The following GABRB1 variants were observed in gnomAD, a reference collection of about 807,000 sequenced individuals.
GABRB1 encodes gamma-aminobutyric acid type A receptor subunit beta1, also known as gamma-aminobutyric acid receptor subunit beta-1.
In GABRB1, 17 loss-of-function variants were observed where a neutral mutation model predicts 51.6. The observed-to-expected ratio is 0.33, with a 90% CI of 0.23 to 0.49. The LOEUF (loss-of-function observed/expected upper bound fraction) is 0.49. Among genes scored for constraint, GABRB1 ranks in the 20% least tolerant of loss-of-function variants. The probability of loss-of-function intolerance (pLI) is 0.99; values close to 1 mark genes in which losing one functional copy is unlikely to be tolerated. For missense variants in GABRB1, 410 were observed against 600.6 expected (o/e 0.68, Z 3.32); for synonymous variants, 247 against 218.9 (o/e 1.13, Z -1.14).
chr4:47,115,628 A>C (rs1436302408), intron 3 of GABRB1, among the ~76,000 whole-genome samples: 1 of 152,108 alleles, frequency 6.6e-6, no homozygotes, highest in African/African-American at 2.4e-5. Flanking sequence ...TAAAGAGTCA[A>C]CTGAAAGCTC....
intron 5 of GABRB1, among the ~76,000 whole-genome samples, chr4:47,358,652 A>G (rs1434720974): frequency 6.6e-6 from 1 of 152,084 alleles, no homozygotes; most frequent in Non-Finnish European, 1.5e-5. Flanking sequence ...ACACTAAGTG[A>G]CCTCATTTTA....
chr4:47,160,915 T>A (rs1383828519), intron 3 of GABRB1, among the ~76,000 whole-genome samples: 1 of 151,990 alleles, frequency 6.6e-6, no homozygotes, highest in Non-Finnish European at 1.5e-5. Context: ...GCCTCCCAAG[T>A]AGCTGGTATT....
At chr4:47,020,400 C>G (rs1724896796) in intron 1 of GABRB1, among the ~76,000 whole-genome samples, 1 of 152,118 alleles carries the variant, frequency 6.6e-6, no homozygotes, top group Non-Finnish European at 1.5e-5. Context: ...CAACCAAGGC[C>G]TCTTCCTTGA....
chr4:47,400,215 AGT>A (rs1206989908), intron 5 of GABRB1, among the ~76,000 whole-genome samples: 2 of 152,176 alleles, frequency 1.3e-5, no homozygotes, highest in Admixed American at 6.5e-5. Context: ...AAAACCATTG[AGT>A]TTTAGAATAA....
At chr4:47,198,606 T>G (rs1056167176) in intron 4 of GABRB1, among the ~76,000 whole-genome samples, 13 of 152,162 alleles carry the variant, frequency 8.5e-5, no homozygotes, top group Non-Finnish European at 1.5e-4. Flanking sequence ...ATGAGGATCA[T>G]GAAAGGCAAT....
At chr4:47,238,134 C>A (rs1217195389) in intron 4 of GABRB1, among the ~76,000 whole-genome samples, 1 of 151,808 alleles carries the variant, frequency 6.6e-6, no homozygotes, top group Non-Finnish European at 1.5e-5. Context: ...ATATTACAGG[C>A]AAATGGATAT....
chr4:47,368,416 T>C (rs1461949195), intron 5 of GABRB1, among the ~76,000 whole-genome samples: 2 of 152,236 alleles, frequency 1.3e-5, no homozygotes, highest in East Asian at 3.9e-4. Context: ...GAGGCACTTG[T>C]GGTTGTCATA....
chr4:47,099,235 G>C (rs535604761), intron 3 of GABRB1, among the ~76,000 whole-genome samples: 1 of 152,228 alleles, frequency 6.6e-6, no homozygotes, highest in South Asian at 2.1e-4. Flanking sequence ...AGACGGCAAA[G>C]AGTCACTGTA....
intron 5 of GABRB1, among the ~76,000 whole-genome samples, chr4:47,393,035 T>C (rs1452898006): frequency 1.3e-5 from 2 of 152,224 alleles, no homozygotes; most frequent in African/African-American, 2.4e-5. Context: ...AGTCAAGTCA[T>C]GTCAGAGGTA....
intron 4 of GABRB1, among the ~76,000 whole-genome samples, chr4:47,253,101 T>A (rs1416540455): frequency 6.6e-6 from 1 of 152,162 alleles, no homozygotes; most frequent in African/African-American, 2.4e-5. Flanking sequence ...CTGCCCAATG[T>A]CACACCTCTG....
intron 5 of GABRB1, among the ~76,000 whole-genome samples, chr4:47,334,527 A>G (rs552383960): frequency 3.3e-5 from 5 of 152,342 alleles, no homozygotes; most frequent in South Asian, 2.1e-4. Context: ...GAAATATAGT[A>G]TCATTAATAC....
chr4:47,204,606 G>T (rs1231266263), intron 4 of GABRB1, among the ~76,000 whole-genome samples: 1 of 152,152 alleles, frequency 6.6e-6, no homozygotes, highest in East Asian at 1.9e-4. Context: ...GAGGAACCCA[G>T]TGGGAGGTGA....
At chr4:47,125,818 G>T (rs1242330809) in intron 3 of GABRB1, among the ~76,000 whole-genome samples, 1 of 149,790 alleles carries the variant, frequency 6.7e-6, no homozygotes. Flanking sequence ...GCCTCCCAAA[G>T]TGCTGGGATT....
Position 47,236,885 on chromosome 4 carries a change from G to T in GABRB1, c.461+75416G>T, listed in dbSNP as rs6836356. Among the ~76,000 whole-genome samples, 888 of 152,186 alleles carry T rather than the reference G, an allele frequency of 5.8e-3. 6 individuals carry two copies. Among genetic ancestry groups the T allele is most frequent in the African/African-American group, 0.021 (858 of 41,550 alleles). On this transcript the variant is annotated intron_variant, in intron 4 of 8. Coordinates refer to ENST00000295454, the MANE Select transcript of GABRB1 (RefSeq NM_000812.4). ...AGTAACTGAAAAAGAAAAAGGTAAA[G>T]TTGTTCTTTGTAAACACTGGATTTT...
upstream of GABRB1, among the ~76,000 whole-genome samples, chr4:47,028,853 G>GTATATATGGTATATATACCATATATA (rs567422142): frequency 2.8e-4 from 39 of 141,140 alleles, no homozygotes; most frequent in Non-Finnish European, 4.4e-4. Flanking sequence ...GTGTATATGT[G>GTATATATGGTATATATACCATATATA]TATATATGGT....
At chr4:47,290,008 A>G (rs1245331081) in intron 4 of GABRB1, among the ~76,000 whole-genome samples, 1 of 152,228 alleles carries the variant, frequency 6.6e-6, no homozygotes, top group African/African-American at 2.4e-5. Flanking sequence ...GACTCTTCAC[A>G]ATTCACAACA....
intron 4 of GABRB1, among the ~76,000 whole-genome samples, chr4:47,181,315 T>G (rs1718936040): frequency 6.6e-6 from 1 of 152,090 alleles, no homozygotes; most frequent in South Asian, 2.1e-4. Flanking sequence ...GGCTCATCAT[T>G]TGAACTTTTA....
At chr4:47,331,293 T>C (rs568067024) in intron 5 of GABRB1, among the ~76,000 whole-genome samples, 1 of 152,294 alleles carries the variant, frequency 6.6e-6, no homozygotes, top group South Asian at 2.1e-4. Flanking sequence ...GCCTGCTTCT[T>C]TGAAACTGTG....
chr4:47,344,362 T>A (rs1012335729), intron 5 of GABRB1, among the ~76,000 whole-genome samples: 1 of 152,218 alleles, frequency 6.6e-6, no homozygotes, highest in Non-Finnish European at 1.5e-5. Flanking sequence ...CCTAAACAGG[T>A]TTACCATATA....
Sources: gnomAD v4.1 joint callset for allele counts (sites outside exome capture counted in the v4.1 genomes callset) on GRCh38, gnomAD v4.1.1 for gene constraint, MANE v1.5 for transcripts, NCBI Gene and HGNC (gene_info 2026-07-23, HGNC 2026-07-21) for gene names.